The following ME1 variants were observed in gnomAD, a reference collection of about 807,000 sequenced individuals.
ME1 encodes NADP-dependent malic enzyme.
In ME1, 74 loss-of-function variants were observed where a neutral mutation model predicts 66.4. That is an observed-to-expected ratio of 1.11 (90% CI 0.92 to 1.35). ME1 has a LOEUF of 1.35. ME1 is among the 40% of genes most tolerant of loss of function. ME1 has a pLI of 0.00. For synonymous variants in ME1, 251 were observed against 235.6 expected, an observed-to-expected ratio of 1.07 and a Z score of -0.60; for missense variants, 750 against 694.1, an observed-to-expected ratio of 1.08 and a Z score of -0.90.
chr6:83,290,934 T>C (rs2128534814), intron 6 of ME1, among the ~76,000 whole-genome samples: 1 of 152,082 alleles, frequency 6.6e-6, no homozygotes, highest in South Asian at 2.1e-4. Context: ...AGACCAGGAT[T>C]GCAACCCCTG....
At chr6:83,373,993 C>T (rs1462256386) in intron 3 of ME1, among the ~76,000 whole-genome samples, 5 of 152,138 alleles carry the variant, frequency 3.3e-5, no homozygotes, top group Admixed American at 6.5e-5. Flanking sequence ...ACCACATTTT[C>T]ATTATCCAGT....
At chr6:83,409,667 A>G (rs1316652171) in intron 1 of ME1, among the ~76,000 whole-genome samples, 2 of 152,188 alleles carry the variant, frequency 1.3e-5, no homozygotes, top group African/African-American at 4.8e-5. Flanking sequence ...CCACTGAATG[A>G]CGCCATGATA....
rs116342146 is a variant in ME1 at position 83,382,092 on chromosome 6, A to G, written c.362+16275T>C. Among the ~76,000 whole-genome samples, 1,343 of 152,046 alleles carry G rather than the reference A, an allele frequency of 8.8e-3. 18 individuals are homozygous for G. The highest frequency in any genetic ancestry group is 0.03 in the African/African-American group (1,258 of 41,470). On this transcript the variant is annotated intron_variant, in intron 3 of 13. Transcript: ENST00000369705. The stretch of plus-strand genomic sequence containing the variant: ...TTCCTTATCCTTCAAGCGGCAGCCT[A>G]AACTATCTCCTTACAGGCACTTCCC...
At chr6:83,347,813 A>G (rs1256341240) in intron 4 of ME1, among the ~76,000 whole-genome samples, 1 of 152,170 alleles carries the variant, frequency 6.6e-6, no homozygotes, top group African/African-American at 2.4e-5. Flanking sequence ...AGAAATCTAA[A>G]GTATATTCCA....
At chr6:83,250,781 G>C (rs1182993791) in intron 7 of ME1, among the ~76,000 whole-genome samples, 1 of 152,160 alleles carries the variant, frequency 6.6e-6, no homozygotes, top group Non-Finnish European at 1.5e-5. Flanking sequence ...CAACTCCTTA[G>C]TTCAACACTC....
chr6:83,393,153 A>G, intron 3 of ME1: 6 of 1,324,694 alleles, frequency 4.5e-6, no homozygotes, highest in Non-Finnish European at 6.5e-6. Flanking sequence ...CCGTCTGGAA[A>G]AACCTACCAA....
chr6:83,295,107 T>A (rs1488671305), intron 6 of ME1, among the ~76,000 whole-genome samples: 1 of 152,186 alleles, frequency 6.6e-6, no homozygotes, highest in African/African-American at 2.4e-5. Context: ...ACCATTATGC[T>A]TAAGTGCCAC....
chr6:83,265,909 G>C (rs1766979576), intron 6 of ME1, among the ~76,000 whole-genome samples: 1 of 152,094 alleles, frequency 6.6e-6, no homozygotes, highest in South Asian at 2.1e-4. Flanking sequence ...ATTTGAACAA[G>C]TATTTTGTGA....
At chr6:83,263,621 C>A (rs970921578) in intron 6 of ME1, among the ~76,000 whole-genome samples, 10 of 152,004 alleles carry the variant, frequency 6.6e-5, no homozygotes, top group African/African-American at 2.4e-4. Context: ...TAAGCCAAAG[C>A]CTAATCCATA....
At chr6:83,377,165 T>C (rs982619536) in intron 3 of ME1, among the ~76,000 whole-genome samples, 1 of 152,182 alleles carries the variant, frequency 6.6e-6, no homozygotes, top group African/African-American at 2.4e-5. Context: ...GGTAAAGACT[T>C]TTGGAGACAG....
chr6:83,312,865 G>A lies in ME1; in HGVS notation c.704+2445C>T, dbSNP rs1300151532. Among the ~76,000 whole-genome samples, 10 of 151,974 alleles carry A rather than the reference G, an allele frequency of 6.6e-5. 1 individual carries two copies. The highest frequency in any genetic ancestry group is 4.1e-4 in the South Asian group (2 of 4,830). ...CGCCTCCCAGGTTCAGGCAATTCTC[G>A]TCTCTCAGCCTCTGAGTAGCTGGGA... On this transcript the variant is annotated intron_variant, in intron 6 of 13. Coordinates refer to ENST00000369705, the MANE Select transcript of ME1 (RefSeq NM_002395.6).
At position 83,346,206 on chromosome 6, in the gene ME1, C is replaced by A; in HGVS notation, c.567G>T (p.Leu189=). 6 of 1,609,540 alleles carry A rather than the reference C, an allele frequency of 3.7e-6. No homozygotes were observed. Among genetic ancestry groups the A allele is most frequent in the Non-Finnish European group, 5.1e-6 (6 of 1,177,416 alleles). The change falls in exon 5 of 14, where the codon CTG becomes CTT. Residue 189 remains leucine, a synonymous_variant. Transcript: ENST00000369705. ...ACGGMNPQEC[L]PVILDVGTEN... is the part of the protein sequence containing the mutation. ...CGGTTCCCACATCCAGAATGACAGG[C>A]AGACATTCTTGAGGATTCATCCCTC...
intron 5 of ME1, among the ~76,000 whole-genome samples, chr6:83,341,032 C>T (rs559373418): frequency 5.9e-5 from 9 of 151,938 alleles, no homozygotes; most frequent in African/African-American, 9.7e-5. Flanking sequence ...ACCGGGTGAA[C>T]GCTGGCCATG....
chr6:83,240,791 T>C (rs1374930295), intron 7 of ME1, among the ~76,000 whole-genome samples: 1 of 152,106 alleles, frequency 6.6e-6, no homozygotes, highest in African/African-American at 2.4e-5. Context: ...CATTTCACAA[T>C]CAGTAAATTT....
chr6:83,263,855 A>G (rs1367394316), intron 6 of ME1, among the ~76,000 whole-genome samples: 1 of 152,004 alleles, frequency 6.6e-6, no homozygotes, highest in Non-Finnish European at 1.5e-5. Context: ...TGCAAGGTGA[A>G]GCAGAAAGTA....
chr6:83,277,977 C>T (rs1378622056), intron 6 of ME1, among the ~76,000 whole-genome samples: 1 of 150,274 alleles, frequency 6.7e-6, no homozygotes, highest in Non-Finnish European at 1.5e-5. Flanking sequence ...TCTTCTTGGA[C>T]CTCCTGCCAT....
chr6:83,312,717 C>T (rs1015642165), intron 6 of ME1, among the ~76,000 whole-genome samples: 5 of 152,060 alleles, frequency 3.3e-5, no homozygotes, highest in African/African-American at 9.7e-5. Context: ...GTACTATGTC[C>T]TCTCCTCCAA....
In ME1 at chr6:83,430,895, C is replaced by T; in HGVS notation, c.60G>A (p.Arg20=). 1 of 1,603,122 alleles carries T rather than the reference C, an allele frequency of 6.2e-7. No individual in the cohort carries two copies. Among genetic ancestry groups the T allele is most frequent in the Non-Finnish European group, 8.5e-7 (1 of 1,175,246 alleles). The change falls in exon 1 of 14, where the codon CGG becomes CGA. Residue 20 remains arginine, a synonymous_variant. Coordinates refer to ENST00000369705, the MANE Select transcript of ME1 (RefSeq NM_002395.6). ...HTHQRGYLLT[R]NPHLNKDLAF... is the part of the protein sequence containing the mutation. ...GGTTTACCTTGTTGAGGTGAGGGTT[C>T]CGTGTCAGCAGGTAGCCGCGCTGAT...
At chr6:83,360,337 C>T (rs1266158347) in intron 3 of ME1, among the ~76,000 whole-genome samples, 1 of 152,174 alleles carries the variant, frequency 6.6e-6, no homozygotes, top group African/African-American at 2.4e-5. Flanking sequence ...GACTACTGGA[C>T]AATGGCTCTG....
Sources: gnomAD v4.1 joint callset for allele counts (sites outside exome capture counted in the v4.1 genomes callset) on GRCh38, gnomAD v4.1.1 for gene constraint, MANE v1.5 for transcripts, NCBI Gene and HGNC (gene_info 2026-07-23, HGNC 2026-07-21) for gene names.